Variants in EPB41L5 observed in about 807,000 individuals in gnomAD.
EPB41L5 encodes erythrocyte membrane protein band 4.1 like 5.
A neutral mutation model predicts 106.6 loss-of-function variants in EPB41L5; 55 were observed. The ratio of observed to expected loss-of-function variants is 0.52; its 90% CI spans 0.42 to 0.65. The LOEUF (loss-of-function observed/expected upper bound fraction) is 0.65, where lower values mean the gene tolerates loss of function less well. Ranked by LOEUF, EPB41L5 falls within the 30% of genes least tolerant of loss-of-function variation. EPB41L5 has a pLI of 0.00. For synonymous variants in EPB41L5, 297 were observed against 306.7 expected (o/e 0.97, Z 0.33); for missense variants, 871 against 882.1 (o/e 0.99, Z 0.16).
At chr2:120,078,054 AGTCC>A (rs1464064199) in intron 9 of EPB41L5, among the ~76,000 whole-genome samples, 4 of 152,166 alleles carry the variant, frequency 2.6e-5, no homozygotes, top group Non-Finnish European at 5.9e-5. Flanking sequence ...GCAAGGGGGA[AGTCC>A]GTCTCCATGA....
At chr2:120,093,345 A>T (rs1574650079) in intron 14 of EPB41L5, 69 bp downstream of exon 14, 1 of 1,307,516 alleles carries the variant, frequency 7.6e-7, no homozygotes, top group Non-Finnish European at 1.1e-6. Flanking sequence ...ATCATTAAAC[A>T]AATATTTAAG....
intron 3 of EPB41L5, among the ~76,000 whole-genome samples, chr2:120,048,294 T>C (rs1053350525): frequency 6.6e-6 from 1 of 151,830 alleles, no homozygotes; most frequent in Non-Finnish European, 1.5e-5. Flanking sequence ...GGTCCTGGGC[T>C]TTTTTTTGGT....
chr2:120,042,169 G>T, intron 3 of EPB41L5, 59 bp downstream of exon 3: 3 of 1,302,084 alleles, frequency 2.3e-6, no homozygotes, highest in Admixed American at 1.7e-5. Context: ...AATTTCAGAT[G>T]ATATACTAAT....
chr2:120,128,920 G>C lies in EPB41L5; in HGVS notation c.1501+1069G>C, dbSNP rs145633114. On this transcript the variant is annotated intron_variant, in intron 17 of 24. Coordinates refer to ENST00000263713, the MANE Select transcript of EPB41L5 (RefSeq NM_020909.4). ...TATTTCGAATAGTCCAGTTTTGACAGCCTTGCCCTGGACTCCACTTCTTGT... is the reference window on the plus strand; with the variant it reads ...TATTTCGAATAGTCCAGTTTTGACACCCTTGCCCTGGACTCCACTTCTTGT... 2.0e-5 allele frequency among the ~76,000 whole-genome samples: 3 copies of C among 152,244 alleles called. No individual in the cohort carries two copies. In the East Asian group the frequency reaches 5.8e-4, roughly 29 times the overall value.
At chr2:120,095,629 A>G (rs1261361015) in intron 14 of EPB41L5, among the ~76,000 whole-genome samples, 1 of 151,534 alleles carries the variant, frequency 6.6e-6, no homozygotes, top group Non-Finnish European at 1.5e-5. Flanking sequence ...TACCATTCTG[A>G]AGGTCTTGCT....
At chr2:120,097,281 C>T (rs1452474181) in intron 14 of EPB41L5, among the ~76,000 whole-genome samples, 1 of 152,160 alleles carries the variant, frequency 6.6e-6, no homozygotes, top group Admixed American at 6.5e-5. Flanking sequence ...CATCGCAGTG[C>T]TTGAGAAAAC....
chr2:120,034,114 G>A (rs142581436), intron 2 of EPB41L5, among the ~76,000 whole-genome samples: 12 of 152,194 alleles, frequency 7.9e-5, no homozygotes, highest in African/African-American at 7.2e-5. Context: ...ATCATGTATC[G>A]TTTACTTCAG....
intron 16 of EPB41L5, chr2:120,104,320 T>C: frequency 1.4e-6 from 2 of 1,468,464 alleles, no homozygotes; most frequent in Non-Finnish European, 1.8e-6. Context: ...AAAGGATTAA[T>C]CACATTAGGA....
chr2:120,093,644 G>A (rs1464085932), intron 14 of EPB41L5, among the ~76,000 whole-genome samples: 5 of 152,218 alleles, frequency 3.3e-5, no homozygotes, highest in African/African-American at 9.7e-5. Flanking sequence ...CCACTTGGTT[G>A]TGGTGTATAG....
chr2:120,138,983 C>A (rs186554604), intron 18 of EPB41L5, among the ~76,000 whole-genome samples: 1 of 152,002 alleles, frequency 6.6e-6, no homozygotes, highest in South Asian at 2.1e-4. Context: ...TAAAAACAGA[C>A]ACATAGACCA....
intron 16 of EPB41L5, among the ~76,000 whole-genome samples, chr2:120,120,944 C>T (rs572856402): frequency 5.3e-5 from 8 of 152,292 alleles, no homozygotes; most frequent in Admixed American, 2.0e-4. Context: ...GGCGAAACCC[C>T]GTCTCCACTA....
chr2:120,075,749 G>A lies in EPB41L5; in HGVS notation c.501G>A (p.Leu167=), dbSNP rs781059198. The change falls in exon 7 of 25, where the codon CTG becomes CTA. Residue 167 remains leucine, a synonymous_variant. Coordinates refer to ENST00000263713, the MANE Select transcript of EPB41L5 (RefSeq NM_020909.4). ...CAGTGCAATTGGCAGCTTATAATCT[G>A]CAAGGTAAGCAATTCTTATGTTGAC... ...DTAVQLAAYN[L]QAELGDYDLA... 1 of 1,611,958 alleles carries A rather than the reference G, an allele frequency of 6.2e-7. No homozygotes were observed. The highest frequency in any genetic ancestry group is 1.1e-5 in the South Asian group (1 of 91,026).
chr2:120,138,832 A>G (rs1686047251), intron 18 of EPB41L5, among the ~76,000 whole-genome samples: 1 of 151,930 alleles, frequency 6.6e-6, no homozygotes, highest in African/African-American at 2.4e-5. Context: ...GAAAAAAATA[A>G]TCTAAAATTT....
intron 17 of EPB41L5, among the ~76,000 whole-genome samples, chr2:120,131,104 T>G (rs1685666532): frequency 6.6e-6 from 1 of 152,234 alleles, no homozygotes; most frequent in Non-Finnish European, 1.5e-5. Context: ...GACAAAATGC[T>G]TGTCTTGCGT....
chr2:120,134,708 A>G (rs1685852330), intron 18 of EPB41L5, among the ~76,000 whole-genome samples: 1 of 152,262 alleles, frequency 6.6e-6, no homozygotes, highest in Non-Finnish European at 1.5e-5. Context: ...TACCTTAACA[A>G]GCCTGCAAGA....
At chr2:120,072,574 T>TA (rs1300531952) in intron 3 of EPB41L5, among the ~76,000 whole-genome samples, 1 of 152,124 alleles carries the variant, frequency 6.6e-6, no homozygotes, top group African/African-American at 2.4e-5. Flanking sequence ...ATGTAGCACA[T>TA]ATACACCATG....
intron 21 of EPB41L5, among the ~76,000 whole-genome samples, chr2:120,162,906 G>GA (rs1389797486): frequency 6.6e-6 from 1 of 152,122 alleles, no homozygotes; most frequent in Non-Finnish European, 1.5e-5. Context: ...GTTGCACGTT[G>GA]AAATATGAAT....
At chr2:120,015,682 T>TA (rs1677466990) in intron 1 of EPB41L5, among the ~76,000 whole-genome samples, 1 of 152,092 alleles carries the variant, frequency 6.6e-6, no homozygotes, top group Admixed American at 6.5e-5. Flanking sequence ...CTCATGCGTG[T>TA]AATCCCAGCA....
chr2:120,018,966 A>G, intron 1 of EPB41L5, 111 bp from the exon 2 acceptor site: 1 of 963,208 alleles, frequency 1.0e-6, no homozygotes, highest in Non-Finnish European at 1.6e-6. Context: ...TTTTAGTAGC[A>G]TTTCTACTAA....
Sources: allele counts gnomAD v4.1 joint callset (sites outside exome capture counted in the v4.1 genomes callset), GRCh38; gene constraint gnomAD v4.1.1; transcripts MANE v1.5; gene names NCBI Gene and HGNC (gene_info 2026-07-23, HGNC 2026-07-21).